The following ADGRL2 variants were observed in gnomAD, a reference collection of about 807,000 sequenced individuals.
ADGRL2 encodes the protein adhesion G protein-coupled receptor L2.
ADGRL2 carries 44 observed loss-of-function variants against 157.4 expected under a neutral mutation model. The observed-to-expected ratio is 0.28, with a 90% CI of 0.22 to 0.36. The LOEUF (loss-of-function observed/expected upper bound fraction) is 0.36, where lower values mean the gene tolerates loss of function less well. Ranked by LOEUF, ADGRL2 falls within the 10% of genes least tolerant of loss-of-function variation. The pLI is 1.00. For missense variants in ADGRL2, 1,510 were observed against 1,768.9 expected (o/e 0.85, Z 2.63); for synonymous variants, 585 against 624.7 (o/e 0.94, Z 0.95).
chr1:81,942,501 T>C (rs551596596), intron 5 of ADGRL2, among the ~76,000 whole-genome samples: 2 of 152,050 alleles, frequency 1.3e-5, no homozygotes, highest in Admixed American at 6.6e-5. Context: ...GTCTAACTTA[T>C]GTAAAAGTTC....
At chr1:81,417,478 G>C (rs567538814) in intron 1 of ADGRL2, among the ~76,000 whole-genome samples, 4 of 152,050 alleles carry the variant, frequency 2.6e-5, no homozygotes, top group African/African-American at 9.7e-5. Context: ...AGTAAGATAA[G>C]TGATGTTTTC....
chr1:81,904,227 G>A (rs1400304398), intron 2 of ADGRL2, among the ~76,000 whole-genome samples: 1 of 152,026 alleles, frequency 6.6e-6, no homozygotes, highest in Non-Finnish European at 1.5e-5. Context: ...TATACTAAAA[G>A]TGAATATGCA....
chr1:81,647,763 A>G (rs2082341953), intron 3 of ADGRL2, among the ~76,000 whole-genome samples: 1 of 152,224 alleles, frequency 6.6e-6, no homozygotes, highest in Non-Finnish European at 1.5e-5. Flanking sequence ...ATTTTGACTT[A>G]CAAAATGGAT....
At position 81,979,965 on chromosome 1, in the gene ADGRL2, G is replaced by A; in HGVS notation, c.3113+5G>A. The A allele has an allele frequency of 6.6e-7, 1 of 1,504,040 alleles. No homozygotes were observed. The highest frequency in any genetic ancestry group is 9.2e-7 in the Non-Finnish European group (1 of 1,082,234). The allele number at this position is 1,504,040 out of a possible 1,614,324, so 93.2% of individuals were successfully genotyped here. A position where few individuals can be genotyped will look rare whatever the true frequency, so the allele number is the denominator to read the frequency against. ...TAGCAGGTTGGAAAACATTAAGTAA[G>A]TATTTTGTATTTTAATTTTAATACT... On this transcript the variant is annotated splice_donor_5th_base_variant and intron_variant, in intron 18 of 23. Coordinates refer to ENST00000686636, the MANE Select transcript of ADGRL2 (RefSeq NM_001366006.2).
intron 1 of ADGRL2, among the ~76,000 whole-genome samples, chr1:81,430,449 T>C (rs2077299332): frequency 6.6e-6 from 1 of 152,080 alleles, no homozygotes; most frequent in Non-Finnish European, 1.5e-5. Context: ...AGTTAGAGGA[T>C]GGGATTGACC....
intron 2 of ADGRL2, among the ~76,000 whole-genome samples, chr1:81,859,266 G>C (rs2093312088): frequency 1.3e-5 from 2 of 152,034 alleles, no homozygotes; most frequent in African/African-American, 4.8e-5. Flanking sequence ...AAATAGTGTT[G>C]TTTAAATCGT....
chr1:81,356,349 A>G (rs1257594553), intron 1 of ADGRL2, among the ~76,000 whole-genome samples: 6 of 152,240 alleles, frequency 3.9e-5, no homozygotes, highest in Non-Finnish European at 4.4e-5. Flanking sequence ...ATGTGGATCA[A>G]TGGAAACAAT....
intron 1 of ADGRL2, among the ~76,000 whole-genome samples, chr1:81,834,905 A>T (rs2092185945): frequency 6.6e-6 from 1 of 152,088 alleles, no homozygotes; most frequent in Non-Finnish European, 1.5e-5. Context: ...GTATATAAAA[A>T]TTTTCATAAG....
At chr1:81,383,806 T>C (rs374412426) in intron 1 of ADGRL2, among the ~76,000 whole-genome samples, 16 of 15,214 alleles carry the variant, frequency 1.1e-3, no homozygotes, top group African/African-American at 2.2e-3. Flanking sequence ...CTACTAAAAA[T>C]ACAAAAAAAA....
intron 1 of ADGRL2, among the ~76,000 whole-genome samples, chr1:81,721,449 T>A (rs1390946222): frequency 6.6e-6 from 1 of 152,066 alleles, no homozygotes; most frequent in Non-Finnish European, 1.5e-5. Flanking sequence ...TTTATTGGCT[T>A]TTGTAAGTTA....
At chr1:81,853,483 A>G (rs1025561894) in intron 2 of ADGRL2, among the ~76,000 whole-genome samples, 3 of 152,126 alleles carry the variant, frequency 2.0e-5, no homozygotes, top group African/African-American at 4.8e-5. Flanking sequence ...GCTTGTCAGT[A>G]GTTTGTTGGC....
intron 3 of ADGRL2, among the ~76,000 whole-genome samples, chr1:81,627,226 T>C (rs2081928790): frequency 6.6e-6 from 1 of 152,114 alleles, no homozygotes; most frequent in African/African-American, 2.4e-5. Flanking sequence ...AGCCACATAC[T>C]TAAATGTATA....
chr1:81,803,676 C>T (rs1488072530), intron 1 of ADGRL2, among the ~76,000 whole-genome samples: 1 of 152,038 alleles, frequency 6.6e-6, no homozygotes, highest in Non-Finnish European at 1.5e-5. Flanking sequence ...TCCCAAGCAG[C>T]CTGGGAGCGT....
intron 1 of ADGRL2, among the ~76,000 whole-genome samples, chr1:81,740,035 G>A (rs11163355): frequency 0.016 from 2,419 of 152,264 alleles, 40 homozygotes; most frequent in East Asian, 0.06. Context: ...GATTGTTCAG[G>A]AAATAGGCCT....
chr1:81,814,510 G>A (rs1232213155), intron 1 of ADGRL2, among the ~76,000 whole-genome samples: 1 of 151,270 alleles, frequency 6.6e-6, no homozygotes, highest in Non-Finnish European at 1.5e-5. Context: ...AATAAGATTA[G>A]AAAATTTATA....
chr1:81,556,848 C>T lies in ADGRL2; in HGVS notation c.-247-24028C>T, dbSNP rs370159887. On this transcript the variant is annotated intron_variant, in intron 2 of 24. Transcript: ENST00000370721. ...ATCCCAGCACTTTGGGAGGCCGAGG[C>T]GGGTGGATCACGAGGTCAGGAGTTT... 5.8e-4 allele frequency among the ~76,000 whole-genome samples: 88 copies of T among 151,778 alleles called. No homozygotes were observed. The South Asian group carries it at 0.012, about 20-fold the overall frequency.
intron 3 of ADGRL2, among the ~76,000 whole-genome samples, chr1:81,599,929 A>G (rs1219941889): frequency 1.3e-5 from 2 of 152,254 alleles, no homozygotes; most frequent in Admixed American, 1.3e-4. Flanking sequence ...TTACTTCTGC[A>G]AAGCAAATTA....
intron 2 of ADGRL2, among the ~76,000 whole-genome samples, chr1:81,774,061 G>GGACTTCTAGCTT (rs2086479559): frequency 6.6e-6 from 1 of 152,128 alleles, no homozygotes. Context: ...CCTTACTCTT[G>GGACTTCTAGCTT]GACTTCTAGC....
chr1:81,470,409 C>A (rs555616530), intron 2 of ADGRL2, among the ~76,000 whole-genome samples: 2 of 152,140 alleles, frequency 1.3e-5, no homozygotes, highest in Non-Finnish European at 2.9e-5. Flanking sequence ...GATTCTACCC[C>A]CAACTGCTCC....
Sources: allele counts gnomAD v4.1 joint callset (sites outside exome capture counted in the v4.1 genomes callset), GRCh38; gene constraint gnomAD v4.1.1; transcripts MANE v1.5; gene names NCBI Gene and HGNC (gene_info 2026-07-23, HGNC 2026-07-21).